The following SMTN variants were observed in gnomAD, a reference collection of about 807,000 sequenced individuals.
SMTN encodes the protein smoothelin.
SMTN carries 58 observed loss-of-function variants against 102.0 expected under a neutral mutation model. The observed-to-expected ratio is 0.57, with a 90% CI of 0.46 to 0.71. The LOEUF is 0.71. Ranked by LOEUF, SMTN falls within the 30% of genes least tolerant of loss-of-function variation. SMTN has a pLI of 0.00. For synonymous variants in SMTN, 478 were observed against 497.9 expected, an observed-to-expected ratio of 0.96 and a Z score of 0.53; for missense variants, 1,185 against 1,241.7, an observed-to-expected ratio of 0.95 and a Z score of 0.69.
At chr22:31,101,296 C>T in intron 20 of SMTN, 1 of 458,256 alleles carries the variant, frequency 2.2e-6, no homozygotes, top group South Asian at 3.9e-5. Flanking sequence ...ACCCAGGCTG[C>T]AGGTCTGGGC....
At chr22:31,097,380 G>A in intron 16 of SMTN, 42 bp downstream of exon 16, 1 of 1,569,910 alleles carries the variant, frequency 6.4e-7, no homozygotes, top group Non-Finnish European at 8.8e-7. Flanking sequence ...AGGAGTCAGT[G>A]CCACAGGGGA....
At chr22:31,090,755 C>G in intron 8 of SMTN, 53 bp from the exon 9 acceptor site, 1 of 1,378,678 alleles carries the variant, frequency 7.3e-7, no homozygotes, top group East Asian at 2.3e-5. Context: ...ACCCACTATC[C>G]CCTGTCTTTT....
rs772732474 is a variant in SMTN, at chr22:31,097,055, C to A, written c.2084C>A (p.Ser695Ter). ...TTVESSFVRRSENGSGSTMMQ... is the reference protein window; with the variant it reads ...TTVESSFVRR ...GTGGAGTCGAGTTTCGTGAGGCGCTCGGAGAGTAAGGCCACCTGGTGTCGC... is the reference window on the plus strand; with the variant it reads ...GTGGAGTCGAGTTTCGTGAGGCGCTAGGAGAGTAAGGCCACCTGGTGTCGC... Residue 695 changes from serine (S) to a stop codon, truncating the protein, a stop_gained, in exon 15 of 21, where the codon TCG becomes TAG. Coordinates refer to ENST00000333137, the MANE Select transcript of SMTN (RefSeq NM_134269.3). LOFTEE classifies it high-confidence loss of function. 6.2e-7 allele frequency: 1 copy of A among 1,613,850 alleles called. No individual in the cohort carries two copies. The highest frequency in any genetic ancestry group is 8.5e-7 in the Non-Finnish European group (1 of 1,179,940).
intron 1 of SMTN, chr22:31,082,620 C>G (rs1165006106): frequency 2.4e-5 from 14 of 595,492 alleles, no homozygotes; most frequent in Non-Finnish European, 3.9e-5. Flanking sequence ...TGCCTGGACA[C>G]CTGGCTTCAG....
Position 31,096,572 on chromosome 22 carries a change from C to T in SMTN, c.1862-161C>T, listed in dbSNP as rs1010049815. ...ATTCCCTGTCAAGTTATGGCTGTCC[C>T]CTCACCCCAGCTGCTCCTAGAGAGG... On this transcript the variant is annotated intron_variant, in intron 13 of 20. Coordinates refer to ENST00000333137, the MANE Select transcript of SMTN (RefSeq NM_134269.3). 11 of 653,264 alleles carry T rather than the reference C, an allele frequency of 1.7e-5. No homozygotes were observed. In the Admixed American group the frequency reaches 2.1e-4, roughly 13 times the overall value. 40.5% of individuals were successfully genotyped at this position (653,264 alleles called of 1,614,324 possible).
chr22:31,098,567 C>G (rs1432747844), intron 16 of SMTN, 100 bp from the exon 17 acceptor site: 10 of 1,121,652 alleles, frequency 8.9e-6, no homozygotes, highest in Non-Finnish European at 8.8e-6. Context: ...AGTGGAGATA[C>G]TAGTGTGCTA....
At position 31,091,267 on chromosome 22, in the gene SMTN, G is replaced by GC. The variant is rs754444777; in HGVS notation, c.1248dup (p.Arg417GlnfsTer8). ...CTTCGAAGCTGCCCCCAGGAGGAGG[G>GC]CCCCAGGGGGCGGGGCTTGGCTGCT... On this transcript the variant is annotated frameshift_variant, in exon 10 of 21. Transcript: ENST00000333137. LOFTEE classifies it high-confidence loss of function. The GC allele has an allele frequency of 3.8e-6, 6 of 1,599,176 alleles. No individual in the cohort carries two copies. Among genetic ancestry groups the GC allele is most frequent in the African/African-American group, 1.3e-5 (1 of 74,710 alleles).
intron 1 of SMTN, among the ~76,000 whole-genome samples, chr22:31,070,923 CA>C (rs111579063): frequency 0.66 from 68,657 of 104,260 alleles, 20,855 homozygotes; most frequent in East Asian, 0.77. Flanking sequence ...AACTCTGTCT[CA>C]AAAAAAAAAA....
At position 31,096,612 on chromosome 22, in the gene SMTN, G is replaced by C. The variant is rs2043594586; in HGVS notation, c.1862-121G>C. The C allele has an allele frequency of 7.6e-6, 8 of 1,056,962 alleles. No homozygotes were observed. The South Asian group carries it at 1.5e-4, about 20-fold the overall frequency. The allele number at this position is 1,056,962 out of a possible 1,614,324, so 65.5% of individuals were successfully genotyped here. ...TCCTAGAGAGGCCCTTGTTACCTGTGTCATTCATGTTTCTAACAAGCCACC... is the reference window on the plus strand; with the variant it reads ...TCCTAGAGAGGCCCTTGTTACCTGTCTCATTCATGTTTCTAACAAGCCACC... On this transcript the variant is annotated intron_variant, in intron 13 of 20. Coordinates refer to ENST00000333137, the MANE Select transcript of SMTN (RefSeq NM_134269.3).
intron 20 of SMTN, chr22:31,101,881 T>C (rs1168074024): frequency 6.6e-6 from 1 of 151,590 alleles, no homozygotes; most frequent in African/African-American, 2.4e-5. Flanking sequence ...TATAGCATTC[T>C]AGGACCTTCC....
intron 11 of SMTN, chr22:31,093,943 T>C: frequency 2.8e-6 from 3 of 1,055,002 alleles, no homozygotes; most frequent in African/African-American, 3.2e-5. Flanking sequence ...TGACTTTAGG[T>C]ATGTCACCAC....
chr22:31,090,922 G>A, intron 9 of SMTN, 39 bp from the exon 10 acceptor site: 1 of 1,613,006 alleles, frequency 6.2e-7, no homozygotes, highest in Non-Finnish European at 8.5e-7. Flanking sequence ...TGCAGACCCT[G>A]TCCCACCCAG....
At chr22:31,064,732 A>G (rs909119493) in intron 1 of SMTN, 1 of 152,184 alleles carries the variant, frequency 6.6e-6, no homozygotes, top group Non-Finnish European at 1.5e-5. Context: ...ATTTTGAAAT[A>G]ATTTTAGACT....
chr22:31,085,122 C>T (rs1328790313), intron 2 of SMTN: 24 of 1,535,310 alleles, frequency 1.6e-5, no homozygotes, highest in Non-Finnish European at 2.0e-5. Context: ...TGCCCCTCCA[C>T]CACCCGCCGG....
chr22:31,079,137 G>A (rs190511864), upstream of SMTN, among the ~76,000 whole-genome samples: 2 of 152,292 alleles, frequency 1.3e-5, no homozygotes, highest in East Asian at 3.9e-4. Context: ...GGAGCCCCAC[G>A]TCTGACATGC....
At chr22:31,077,889 C>T (rs62236122), upstream of SMTN, among the ~76,000 whole-genome samples, 8,215 of 152,286 alleles carry the variant, frequency 0.054, 250 homozygotes, top group African/African-American at 0.08. Context: ...CCGAGGGCTG[C>T]TGGCCATGAC....
intron 1 of SMTN, among the ~76,000 whole-genome samples, chr22:31,071,812 C>T (rs1397662552): frequency 1.3e-5 from 2 of 151,542 alleles, no homozygotes; most frequent in Non-Finnish European, 2.9e-5. Flanking sequence ...TCTCCCACCT[C>T]AGCCTCCCAA....
intron 15 of SMTN, 95 bp from the exon 16 acceptor site, chr22:31,097,174 C>T: frequency 6.0e-6 from 9 of 1,490,066 alleles, no homozygotes; most frequent in Non-Finnish European, 8.4e-6. Flanking sequence ...CTCTTCTCTG[C>T]CTGCGGCTAT....
At chr22:31,099,693 A>G (rs896134744) in intron 18 of SMTN, 52 bp from the exon 19 acceptor site, 5 of 1,596,898 alleles carry the variant, frequency 3.1e-6, no homozygotes, top group Middle Eastern at 3.3e-4. Context: ...AGGGGTAGAC[A>G]GCAGGGGGGA....
Sources: allele counts gnomAD v4.1 joint callset (sites outside exome capture counted in the v4.1 genomes callset), GRCh38; gene constraint gnomAD v4.1.1; transcripts MANE v1.5; gene names NCBI Gene and HGNC (gene_info 2026-07-23, HGNC 2026-07-21).